TAMM41: variants seen among roughly 807,000 people sequenced by gnomAD.
TAMM41 encodes the protein TAM41 mitochondrial translocator assembly and maintenance homolog.
TAMM41 carries 36 observed loss-of-function variants against 44.1 expected under a neutral mutation model. The ratio of observed to expected loss-of-function variants is 0.82; its 90% CI spans 0.63 to 1.08. The LOEUF is 1.08. Among genes scored for constraint, TAMM41 ranks in the 50% least tolerant of loss-of-function variants. TAMM41 has a pLI of 0.00. For missense variants in TAMM41, 417 were observed against 404.3 expected (o/e 1.03, Z -0.27); for synonymous variants, 164 against 153.1 (o/e 1.07, Z -0.53).
the TAMM41 span, among the ~76,000 whole-genome samples, chr3:11,737,437 C>T: frequency 3.3e-5 from 5 of 152,106 alleles, no homozygotes; most frequent in South Asian, 1.0e-3. Context: ...TCTCCTTCCT[C>T]AGCCTCCAGA....
intron 7 of TAMM41, chr3:11,807,433 TAAC>T: frequency 6.5e-7 from 1 of 1,529,322 alleles, no homozygotes; most frequent in Non-Finnish European, 8.7e-7. Flanking sequence ...GAAATGGCAG[TAAC>T]AACAAAAATA....
chr3:11,836,451 G>A (rs1354697974), intron 3 of TAMM41, among the ~76,000 whole-genome samples: 3 of 152,012 alleles, frequency 2.0e-5, no homozygotes, highest in African/African-American at 7.2e-5. Context: ...TTCCCATCAA[G>A]CTATATATTA....
At chr3:11,774,357 A>C in the TAMM41 span, among the ~76,000 whole-genome samples, 5 of 152,290 alleles carry the variant, frequency 3.3e-5, no homozygotes, top group Admixed American at 6.5e-5. Context: ...GTGCACCTGG[A>C]AAGTTCTCCA....
chr3:11,773,318 TA>T, the TAMM41 span, among the ~76,000 whole-genome samples: 777 of 145,946 alleles, frequency 5.3e-3, 3 homozygotes, highest in South Asian at 0.014. Flanking sequence ...TTGATTTGCT[TA>T]AAAAAAAAAA....
At chr3:11,798,993 T>C (rs917656659) in intron 7 of TAMM41, among the ~76,000 whole-genome samples, 1 of 152,106 alleles carries the variant, frequency 6.6e-6, no homozygotes, top group African/African-American at 2.4e-5. Context: ...GGTGGGAGGA[T>C]CACTTGAGCC....
intron 6 of TAMM41, 152 bp downstream of exon 6, chr3:11,809,365 G>T: frequency 1.2e-6 from 1 of 841,902 alleles, no homozygotes; most frequent in Non-Finnish European, 1.8e-6. Flanking sequence ...TGCAGATTTA[G>T]AAAACCCTCA....
the TAMM41 span, among the ~76,000 whole-genome samples, chr3:11,784,659 T>C: frequency 2.0e-5 from 3 of 152,188 alleles, no homozygotes; most frequent in South Asian, 4.1e-4. Context: ...TGTTATAGGC[T>C]AGTTTCTAAA....
At chr3:11,734,083 G>A in the TAMM41 span, among the ~76,000 whole-genome samples, 3 of 152,164 alleles carry the variant, frequency 2.0e-5, no homozygotes, top group African/African-American at 7.2e-5. Context: ...AATGAAGACG[G>A]GCTAGGAAAT....
the TAMM41 span, among the ~76,000 whole-genome samples, chr3:11,734,878 C>CAAAAA: frequency 1.4e-3 from 103 of 73,268 alleles, no homozygotes; most frequent in African/African-American, 4.9e-3. Context: ...TACTAAAATA[C>CAAAAA]AAAAAAAAAA....
chr3:11,759,490 A>G, the TAMM41 span, among the ~76,000 whole-genome samples: 13 of 152,014 alleles, frequency 8.6e-5, no homozygotes, highest in East Asian at 3.9e-4. Flanking sequence ...ACCTTTTAGG[A>G]CCCTGATGTC....
the TAMM41 span, among the ~76,000 whole-genome samples, chr3:11,725,612 G>C: frequency 2.6e-5 from 4 of 151,930 alleles, no homozygotes; most frequent in Non-Finnish European, 5.9e-5. Context: ...CTAACTTTTT[G>C]TATTTTTAGT....
the TAMM41 span, among the ~76,000 whole-genome samples, chr3:11,748,304 A>T: frequency 1.3e-5 from 2 of 151,756 alleles, no homozygotes; most frequent in Non-Finnish European, 2.9e-5. Context: ...ATTTTTTGAG[A>T]TGGAGTCTCG....
chr3:11,844,978 T>C (rs780377749), intron 1 of TAMM41: 1 of 456,534 alleles, frequency 2.2e-6, no homozygotes, highest in South Asian at 1.5e-5. Context: ...GACACGTGAG[T>C]TAAACAGACT....
At chr3:11,746,592 GA>G in the TAMM41 span, among the ~76,000 whole-genome samples, 9,959 of 151,328 alleles carry the variant, frequency 0.066, 437 homozygotes, top group African/African-American at 0.12. Context: ...TATGCTGGGG[GA>G]AAAAAAACAT....
At chr3:11,733,262 G>A in the TAMM41 span, among the ~76,000 whole-genome samples, 1 of 152,062 alleles carries the variant, frequency 6.6e-6, no homozygotes, top group Non-Finnish European at 1.5e-5. Context: ...GCCTCCCAAA[G>A]TGCTGGGATT....
the TAMM41 span, among the ~76,000 whole-genome samples, chr3:11,746,600 A>C: frequency 6.6e-6 from 1 of 151,386 alleles, no homozygotes; most frequent in Non-Finnish European, 1.5e-5. Context: ...GGGAAAAAAA[A>C]CATATATCAG....
chr3:11,836,788 C>A (rs896243974), intron 3 of TAMM41, among the ~76,000 whole-genome samples: 1 of 152,090 alleles, frequency 6.6e-6, no homozygotes, highest in Non-Finnish European at 1.5e-5. Flanking sequence ...TTAAAACAAA[C>A]AAACAAAACA....
intron 3 of TAMM41, among the ~76,000 whole-genome samples, chr3:11,830,187 C>T (rs1179414206): frequency 6.6e-6 from 1 of 152,210 alleles, no homozygotes; most frequent in Admixed American, 6.5e-5. Flanking sequence ...TTTATAATCT[C>T]ACTGTCGTCA....
the TAMM41 span, among the ~76,000 whole-genome samples, chr3:11,723,100 G>C: frequency 6.6e-6 from 1 of 151,062 alleles, no homozygotes; most frequent in Non-Finnish European, 1.5e-5. Context: ...TCCAGCCTAG[G>C]CGACAGAGCT....
Sources: gnomAD v4.1 joint callset for allele counts (sites outside exome capture counted in the v4.1 genomes callset) on GRCh38, gnomAD v4.1.1 for gene constraint, MANE v1.5 for transcripts, NCBI Gene and HGNC (gene_info 2026-07-23, HGNC 2026-07-21) for gene names.